Variants in INPP4A observed in about 807,000 individuals in gnomAD.
The protein encoded by INPP4A is inositol polyphosphate-4-phosphatase, type I, 107kD.
Under a neutral mutation model 119.8 loss-of-function variants are expected in INPP4A, and 33 were observed. The ratio of observed to expected loss-of-function variants is 0.28; its 90% CI spans 0.21 to 0.37. INPP4A has a LOEUF of 0.37. INPP4A is among the 10% of genes least tolerant of loss of function. INPP4A has a pLI of 1.00. For missense variants in INPP4A, 956 were observed against 1,289.9 expected, an observed-to-expected ratio of 0.74 and a Z score of 3.97; for synonymous variants, 496 against 500.7, an observed-to-expected ratio of 0.99 and a Z score of 0.12.
intron 1 of INPP4A, among the ~76,000 whole-genome samples, chr2:98,517,698 T>A (rs1309394722): frequency 2.0e-5 from 3 of 152,242 alleles, no homozygotes; most frequent in Non-Finnish European, 4.4e-5. Flanking sequence ...ATTCTTTTCT[T>A]ACCTATAGCT....
intron 1 of INPP4A, among the ~76,000 whole-genome samples, chr2:98,447,609 A>G (rs1364944619): frequency 6.6e-6 from 1 of 152,140 alleles, no homozygotes; most frequent in Non-Finnish European, 1.5e-5. Context: ...AGAATAAGCC[A>G]AAGGTTTCTC....
At position 98,484,748 on chromosome 2, in the gene INPP4A, A is replaced by G. The variant is rs202217746; in HGVS notation, c.-165-34216A>G. On this transcript the variant is annotated intron_variant, in intron 1 of 24. Coordinates refer to ENST00000409851, the MANE Select transcript of INPP4A (RefSeq NM_001134225.2). ...TCTCCCACTCCGCGTGAGTGCTTCT[A>G]TGTCTTTATATTGGTAGATCTTACT... Among the ~76,000 whole-genome samples the G allele has an allele frequency of 5.9e-5, 9 of 151,982 alleles. No homozygotes were observed. The South Asian group carries it at 8.3e-4, about 14-fold the overall frequency.
In INPP4A at chr2:98,593,960, C is replaced by G. The variant is rs533824306; in HGVS notation, c.*6352C>G. On this transcript the variant is annotated 3_prime_UTR_variant, in exon 25 of 25. Coordinates refer to ENST00000409851, the MANE Select transcript of INPP4A (RefSeq NM_001134225.2). ...TCCTTCATTGTTGACTATGAAGATT[C>G]TTTCATGCATGTCCTGTCCACTGTC... 1 of 152,172 alleles carries G rather than the reference C, an allele frequency of 6.6e-6. No homozygotes were observed. The highest frequency in any genetic ancestry group is 1.9e-4 in the East Asian group (1 of 5,196). The allele number at this position is 152,172 out of a possible 1,614,324, so 9.4% of individuals were successfully genotyped here.
In INPP4A at chr2:98,546,254, T is replaced by C. The variant is rs561641080; in HGVS notation, c.1054+181T>C. Among the ~76,000 whole-genome samples the C allele has an allele frequency of 1.3e-5, 2 of 152,288 alleles. No individual in the cohort carries two copies. The highest frequency in any genetic ancestry group is 3.9e-4 in the East Asian group (2 of 5,182). ...TAACAGCCCACACCCCTTCCTTTTG[T>C]CTCTCCTCACTCTAGCTTCCCTTTG... On this transcript the variant is annotated intron_variant, in intron 12 of 24. Transcript: ENST00000409851. This position sits in a 1 kb window ranked among gnomAD's most constrained non-coding sequence, Gnocchi z 4.2.
At chr2:98,475,068 G>A (rs969593859) in intron 1 of INPP4A, among the ~76,000 whole-genome samples, 1 of 152,102 alleles carries the variant, frequency 6.6e-6, no homozygotes, top group Admixed American at 6.6e-5. Context: ...GGAAGTGGGT[G>A]AAACTTTACA....
In INPP4A at chr2:98,525,796, C is replaced by T. The variant is rs190588257; in HGVS notation, c.151+5065C>T. Among the ~76,000 whole-genome samples, 12 of 152,298 alleles carry T rather than the reference C, an allele frequency of 7.9e-5. No individual in the cohort carries two copies. In the East Asian group the frequency reaches 2.3e-3, roughly 29 times the overall value. ...CATCATGTAACCGCAAATTAAAACA[C>T]ATCTATTAGAATGGGTAAAATTAAC... On this transcript the variant is annotated intron_variant, in intron 4 of 24. Transcript: ENST00000409851.
chr2:98,467,285 A>T (rs1472329521), intron 1 of INPP4A, among the ~76,000 whole-genome samples: 1 of 152,168 alleles, frequency 6.6e-6, no homozygotes, highest in Non-Finnish European at 1.5e-5. Context: ...AATACTTCCC[A>T]TTAGGCCCCA....
intron 11 of INPP4A, among the ~76,000 whole-genome samples, chr2:98,545,060 A>C (rs372983995): frequency 6.6e-5 from 10 of 152,288 alleles, no homozygotes; most frequent in African/African-American, 2.4e-4. Flanking sequence ...TTGAAGTGGC[A>C]GTCTGGGATT....
Position 98,468,008 on chromosome 2 carries a change from G to GTT in INPP4A, c.-166+22924_-166+22925insTT, listed in dbSNP as rs1343063429. On this transcript the variant is annotated intron_variant, in intron 1 of 24. Transcript: ENST00000409851. ...GTACAGCCTGTTGGTTGAACAGGCC[G>GTT]TAAGTTCAGCCTCATCTTTGTCGAG... 1.6e-4 allele frequency among the ~76,000 whole-genome samples: 25 copies of GTT among 152,272 alleles called. 1 individual carries two copies. In the East Asian group the frequency reaches 4.2e-3, roughly 26 times the overall value.
At chr2:98,461,756 G>C (rs564849851) in intron 1 of INPP4A, among the ~76,000 whole-genome samples, 3 of 152,302 alleles carry the variant, frequency 2.0e-5, no homozygotes, top group African/African-American at 7.2e-5. Flanking sequence ...CACATCCCTG[G>C]TGCCATGCTG....
In INPP4A at chr2:98,592,239, T is replaced by C. The variant is rs1700437445; in HGVS notation, c.*4631T>C. 6.6e-6 allele frequency: 1 copy of C among 152,328 alleles called. No homozygotes were observed. Among genetic ancestry groups the C allele is most frequent in the Non-Finnish European group, 1.5e-5 (1 of 68,114 alleles). 9.4% of individuals were successfully genotyped at this position (152,328 alleles called of 1,614,324 possible). ...TTAAGAGCCGATTTTCTGTAAGTTA[T>C]AGTGAGGGCACTGCTCTGCTGTGCA... On this transcript the variant is annotated 3_prime_UTR_variant, in exon 25 of 25. Coordinates refer to ENST00000409851, the MANE Select transcript of INPP4A (RefSeq NM_001134225.2).
chr2:98,450,530 T>C (rs938116801), intron 1 of INPP4A, among the ~76,000 whole-genome samples: 3 of 152,220 alleles, frequency 2.0e-5, no homozygotes, highest in African/African-American at 7.2e-5. Flanking sequence ...CTGTGTGACT[T>C]TGGGCAAGTG....
Position 98,561,451 on chromosome 2 carries a change from CA to C in INPP4A, c.1855+1957del, listed in dbSNP as rs1695456914. On this transcript the variant is annotated intron_variant, in intron 17 of 24. Coordinates refer to ENST00000409851, the MANE Select transcript of INPP4A (RefSeq NM_001134225.2). ...TGGTTGAACTTTTAAAAAATTGTTC[CA>C]GGCATGTCTGAGTCCTTCTCTGGGC... is the stretch of plus-strand genomic sequence containing the variant. Among the ~76,000 whole-genome samples the C allele has an allele frequency of 2.0e-5, 3 of 152,310 alleles. No individual in the cohort carries two copies. In the South Asian group the frequency reaches 6.2e-4, roughly 32 times the overall value.
intron 23 of INPP4A, among the ~76,000 whole-genome samples, chr2:98,573,749 G>A (rs1416800729): frequency 2.0e-5 from 3 of 152,166 alleles, no homozygotes; most frequent in Non-Finnish European, 4.4e-5. Flanking sequence ...GCAGCAGACC[G>A]TCTCAGCTGC....
chr2:98,519,819 GTTCCTC>G (rs1363056401), intron 2 of INPP4A, 121 bp from the exon 3 acceptor site: 35 of 533,644 alleles, frequency 6.6e-5, no homozygotes, highest in Admixed American at 9.4e-5. Flanking sequence ...GTCCACCCCG[GTTCCTC>G]ACATGCTGGG....
intron 10 of INPP4A, among the ~76,000 whole-genome samples, chr2:98,540,786 C>A (rs1335856791): frequency 1.3e-5 from 2 of 152,170 alleles, no homozygotes; most frequent in Non-Finnish European, 2.9e-5. Flanking sequence ...AGGGCAGAGC[C>A]CTCATGACCT....
At chr2:98,515,875 A>G (rs887557690) in intron 1 of INPP4A, among the ~76,000 whole-genome samples, 1 of 152,258 alleles carries the variant, frequency 6.6e-6, no homozygotes, top group South Asian at 2.1e-4. Context: ...GCTGGAAGGG[A>G]CATCATGGGA....
In INPP4A at chr2:98,543,916, C is replaced by A; in HGVS notation, c.858C>A (p.Cys286Ter). 6.2e-7 allele frequency: 1 copy of A among 1,612,346 alleles called. No homozygotes were observed. The highest frequency in any genetic ancestry group is 1.1e-5 in the South Asian group (1 of 90,740). ...ELEELGELSP[C>*]WESLRRQIVT... ...AGGAGCTGGGAGAGCTGTCCCCTTG[C>A]TGGGAGAGCCTCCGGCGCCAAATTG... Residue 286 changes from cysteine (C) to a stop codon, truncating the protein, a stop_gained, in exon 11 of 25, where the codon TGC becomes TGA. Coordinates refer to ENST00000409851, the MANE Select transcript of INPP4A (RefSeq NM_001134225.2). LOFTEE classifies it high-confidence loss of function.
chr2:98,537,910 A>C lies in INPP4A; in HGVS notation c.515A>C (p.Gln172Pro). 6.2e-7 allele frequency: 1 copy of C among 1,613,278 alleles called. No homozygotes were observed. Among genetic ancestry groups the C allele is most frequent in the Non-Finnish European group, 8.5e-7 (1 of 1,179,608 alleles). ...RVGNITVIGW[Q>P]MEEKSDQRPP... is the part of the protein sequence containing the mutation. ...GGTAACATCACCGTGATTGGCTGGC[A>C]GATGGAGGAGAAGTCAGACCAACGG... The change falls in exon 8 of 25, where the codon CAG (glutamine) becomes CCG (proline). Residue 172 changes from glutamine to proline, a missense_variant. By Grantham distance (76) the Gln-to-Pro change is moderately conservative. This residue lies in a region of INPP4A where 652 missense variants were observed against 797.9 expected (regional missense o/e 0.82). Coordinates refer to ENST00000409851, the MANE Select transcript of INPP4A (RefSeq NM_001134225.2).
Sources: allele counts gnomAD v4.1 joint callset (sites outside exome capture counted in the v4.1 genomes callset), GRCh38; gene constraint gnomAD v4.1.1; regional missense constraint gnomAD v4.1.1; non-coding constraint Gnocchi (gnomAD v3.1); transcripts MANE v1.5; gene names NCBI Gene and HGNC (gene_info 2026-07-23, HGNC 2026-07-21).